Variants in DCN observed in about 807,000 individuals in gnomAD.
DCN encodes bone proteoglycan II.
DCN carries 17 observed loss-of-function variants against 36.5 expected under a neutral mutation model. That is an observed-to-expected ratio of 0.47 (90% confidence interval 0.32 to 0.70). The LOEUF (loss-of-function observed/expected upper bound fraction) is 0.70, where lower values mean the gene tolerates loss of function less well. Among genes scored for constraint, DCN ranks in the 30% least tolerant of loss-of-function variants. The pLI is 0.04. For synonymous variants in DCN, 163 were observed against 161.4 expected, an observed-to-expected ratio of 1.01 and a Z score of -0.07; for missense variants, 389 against 430.1, an observed-to-expected ratio of 0.90 and a Z score of 0.84.
At chr12:91,159,858 A>G (rs1009142775) in intron 3 of DCN, among the ~76,000 whole-genome samples, 2 of 152,044 alleles carry the variant, frequency 1.3e-5, no homozygotes, top group African/African-American at 4.8e-5. Flanking sequence ...TTAAGGTCTA[A>G]TTTTGCATTT....
chr12:91,173,933 A>G (rs1883134279), intron 2 of DCN, among the ~76,000 whole-genome samples: 1 of 152,232 alleles, frequency 6.6e-6, no homozygotes, highest in Non-Finnish European at 1.5e-5. Flanking sequence ...CAACTACATA[A>G]TTTAAAAGGT....
chr12:91,179,678 GCAAT>G (rs1212912538), intron 1 of DCN: 2 of 152,010 alleles, frequency 1.3e-5, no homozygotes, highest in African/African-American at 4.8e-5. Context: ...TTTGTTCCAA[GCAAT>G]CAGTCTGATT....
At chr12:91,162,163 T>A (rs1882199210) in intron 3 of DCN, among the ~76,000 whole-genome samples, 1 of 152,016 alleles carries the variant, frequency 6.6e-6, no homozygotes, top group African/African-American at 2.4e-5. Flanking sequence ...ATGGTCTTGA[T>A]CTCTTAACCT....
chr12:91,177,577 G>C (rs1257277957), intron 2 of DCN: 11 of 702,166 alleles, frequency 1.6e-5, no homozygotes, highest in Non-Finnish European at 2.9e-5. Context: ...TCTTTCTGGA[G>C]ATTTATCTTC....
At chr12:91,165,878 C>G (rs1269803707) in intron 2 of DCN, among the ~76,000 whole-genome samples, 1 of 152,030 alleles carries the variant, frequency 6.6e-6, no homozygotes, top group Admixed American at 6.6e-5. Context: ...ATAGCAGGAC[C>G]AAGGCAGATA....
rs774939330 is a variant in DCN, at chr12:91,153,183, G to C, written c.659C>G (p.Pro220Arg). 2 of 1,568,772 alleles carry C rather than the reference G, an allele frequency of 1.3e-6. No individual in the cohort carries two copies. Among genetic ancestry groups the C allele is most frequent in the Non-Finnish European group, 1.8e-6 (2 of 1,139,084 alleles). ...AAGATGTAATTCCGTAAGGGAAGGA[G>C]GAAGACCTGGAATGTGGAATTAAAG... ...TNITSIPQGL[P>R]PSLTELHLDG... is the part of the protein sequence containing the mutation. The change falls in exon 6 of 8, where the codon CCT becomes CGT. Residue 220 changes from proline (P) to arginine (R), a missense_variant. Transcript: ENST00000052754.
intron 2 of DCN, among the ~76,000 whole-genome samples, chr12:91,167,890 G>A (rs1453135831): frequency 6.6e-6 from 1 of 152,086 alleles, no homozygotes; most frequent in Admixed American, 6.5e-5. Context: ...GCTCAGCCTG[G>A]AATGCAATGG....
At position 91,177,614 on chromosome 12, in the gene DCN, G is replaced by A. The variant is rs1592710077; in HGVS notation, c.211+728C>T. 8.5e-6 allele frequency: 6 copies of A among 702,248 alleles called. 1 individual carries two copies. In the East Asian group the frequency reaches 1.6e-4, roughly 19 times the overall value. 43.5% of individuals were successfully genotyped at this position (702,248 alleles called of 1,614,324 possible). On this transcript the variant is annotated intron_variant, in intron 2 of 7. Transcript: ENST00000052754. Reference sequence around the variant, plus strand: ...AAGTGTAATGCTCTTGGAATTTCCAGACCAAATTTTTCTGAAAAGATGATA... The same window carrying A: ...AAGTGTAATGCTCTTGGAATTTCCAAACCAAATTTTTCTGAAAAGATGATA...
At chr12:91,147,786 G>T (rs78991061) in intron 7 of DCN, among the ~76,000 whole-genome samples, 74 of 152,256 alleles carry the variant, frequency 4.9e-4, no homozygotes, top group Non-Finnish European at 8.8e-4. Flanking sequence ...ATTTAGAATA[G>T]ACCTAGGAAG....
At chr12:91,149,187 A>G (rs554813434) in intron 7 of DCN, among the ~76,000 whole-genome samples, 10 of 152,354 alleles carry the variant, frequency 6.6e-5, no homozygotes, top group African/African-American at 2.4e-4. Flanking sequence ...TGGACAAAAA[A>G]TCTTTCACAA....
rs1488504399 is a variant in DCN, at chr12:91,169,232, A to AACATAG, written c.212-4516_212-4515insCTATGT. 1.7e-3 allele frequency among the ~76,000 whole-genome samples: 265 copies of AACATAG among 152,056 alleles called. 1 individual carries two copies. The highest frequency in any genetic ancestry group is 6.1e-3 in the African/African-American group (255 of 41,480). ...GGCAACATAGCAAGACCCCATCTTT[A>AACATAG]CAAAAAATTAGCTGAGCATGGTGGC... is the stretch of plus-strand genomic sequence containing the variant. On this transcript the variant is annotated intron_variant, in intron 2 of 7. Coordinates refer to ENST00000052754, the MANE Select transcript of DCN (RefSeq NM_001920.5).
chr12:91,165,973 C>T (rs759232761), intron 2 of DCN, among the ~76,000 whole-genome samples: 3 of 152,052 alleles, frequency 2.0e-5, no homozygotes, highest in Non-Finnish European at 2.9e-5. Context: ...ACCGCTATGT[C>T]GAGAAAATCA....
At position 91,141,283 on chromosome 12, in the gene DCN, C is replaced by T. The variant is rs1179228334; in HGVS notation, c.*4775G>A. The stretch of plus-strand genomic sequence containing the variant: ...ATATTATCTCTTCTTGCTCACTTTA[C>T]TCTGCTCACGTTTGTCCTCTCTGCT... On this transcript the variant is annotated 3_prime_UTR_variant, in exon 8 of 8. Transcript: ENST00000052754. The T allele has an allele frequency of 6.6e-6, 1 of 152,196 alleles. No homozygotes were observed. Among genetic ancestry groups the T allele is most frequent in the Non-Finnish European group, 1.5e-5 (1 of 68,058 alleles). 9.4% of individuals were successfully genotyped at this position (152,196 alleles called of 1,614,324 possible).
At chr12:91,154,385 C>A (rs962838988) in intron 5 of DCN, among the ~76,000 whole-genome samples, 1 of 152,106 alleles carries the variant, frequency 6.6e-6, no homozygotes, top group African/African-American at 2.4e-5. Context: ...AATCCCTTTT[C>A]ACAGTTAAAT....
intron 7 of DCN, among the ~76,000 whole-genome samples, chr12:91,147,946 G>T (rs1881134433): frequency 6.6e-6 from 1 of 152,024 alleles, no homozygotes; most frequent in African/African-American, 2.4e-5. Flanking sequence ...CTAAAAACCG[G>T]AATTATACAA....
rs138642067 is a variant in DCN at position 91,146,567 on chromosome 12, T to C, written c.886-315A>G. Among the ~76,000 whole-genome samples, 17 of 152,218 alleles carry C rather than the reference T, an allele frequency of 1.1e-4. No homozygotes were observed. In the East Asian group the frequency reaches 3.1e-3, roughly 28 times the overall value. ...TGGGTTTTCACCATGTTGGCCAGGC[T>C]GGTCTAGAACTTCTGACCTCAAGTG... On this transcript the variant is annotated intron_variant, in intron 7 of 7. Coordinates refer to ENST00000052754, the MANE Select transcript of DCN (RefSeq NM_001920.5).
Position 91,178,422 on chromosome 12 carries a change from C to T in DCN, c.131G>A (p.Arg44His), listed in dbSNP as rs1339258297. Residue 44 changes from arginine (R) to histidine (H), a missense_variant, in exon 2 of 8, where the codon CGC (arginine) becomes CAC (histidine). Coordinates refer to ENST00000052754, the MANE Select transcript of DCN (RefSeq NM_001920.5). ...SGIGPEVPDD[R>H]DFEPSLGPVC... is the part of the protein sequence containing the mutation. ...TGGGCCTAGGGAGGGCTCGAAGTCGCGGTCATCAGGAACTTCTGGGCCTAT... is the reference window on the plus strand; with the variant it reads ...TGGGCCTAGGGAGGGCTCGAAGTCGTGGTCATCAGGAACTTCTGGGCCTAT... 1.9e-6 allele frequency: 3 copies of T among 1,613,858 alleles called. No homozygotes were observed. The highest frequency in any genetic ancestry group is 2.5e-6 in the Non-Finnish European group (3 of 1,179,980).
chr12:91,166,168 G>A (rs1308513024), intron 2 of DCN, among the ~76,000 whole-genome samples: 1 of 152,004 alleles, frequency 6.6e-6, no homozygotes, highest in Non-Finnish European at 1.5e-5. Context: ...GTTGCAGGTG[G>A]AATCTTGTTC....
In DCN at chr12:91,180,683, T is replaced by TA. The variant is rs1199684381; in HGVS notation, c.-34+1971dup. ...TTCTAGCAGCCCACTCTCATTCAGT[T>TA]ACTGAGTATCCCTTTAAGAGAAGAC... On this transcript the variant is annotated intron_variant, in intron 1 of 7. Transcript: ENST00000052754. The TA allele has an allele frequency of 2.0e-5, 3 of 152,308 alleles. No individual in the cohort carries two copies. In the East Asian group the frequency reaches 5.8e-4, roughly 29 times the overall value. 9.4% of individuals were successfully genotyped at this position (152,308 alleles called of 1,614,324 possible).
Sources: allele counts gnomAD v4.1 joint callset (sites outside exome capture counted in the v4.1 genomes callset), GRCh38; gene constraint gnomAD v4.1.1; transcripts MANE v1.5; gene names NCBI Gene and HGNC (gene_info 2026-07-23, HGNC 2026-07-21).